The following POT1 variants were observed in gnomAD, a reference collection of about 807,000 sequenced individuals.
POT1 encodes protection of telomeres 1.
POT1 carries 47 observed loss-of-function variants against 78.5 expected under a neutral mutation model. The observed-to-expected ratio is 0.60, with a 90% CI of 0.47 to 0.76. POT1 has a LOEUF of 0.76. Ranked by LOEUF, POT1 falls within the 30% of genes least tolerant of loss-of-function variation. The pLI is 0.00. For synonymous variants in POT1, 259 were observed against 260.7 expected (o/e 0.99, Z 0.06); for missense variants, 646 against 749.9 (o/e 0.86, Z 1.62).
intron 15 of POT1, among the ~76,000 whole-genome samples, chr7:124,829,664 G>T (rs1220776684): frequency 1.3e-5 from 2 of 151,874 alleles, no homozygotes; most frequent in East Asian, 3.8e-4. Flanking sequence ...AAAAGTTGAA[G>T]AAAATGATCA....
chr7:124,862,861 T>A (rs1795630594), intron 8 of POT1, among the ~76,000 whole-genome samples: 1 of 152,164 alleles, frequency 6.6e-6, no homozygotes, highest in African/African-American at 2.4e-5. Flanking sequence ...TATTTTTTTA[T>A]CTTGCTGATT....
At chr7:124,826,599 C>T (rs927039806) in intron 17 of POT1, among the ~76,000 whole-genome samples, 7 of 152,202 alleles carry the variant, frequency 4.6e-5, no homozygotes, top group South Asian at 4.1e-4. Flanking sequence ...AGGCTGGGCA[C>T]GGTGGCTCAC....
intron 6 of POT1, among the ~76,000 whole-genome samples, chr7:124,875,010 T>C (rs1795955685): frequency 6.6e-6 from 1 of 152,092 alleles, no homozygotes; most frequent in Non-Finnish European, 1.5e-5. Context: ...AAATATATTA[T>C]ATTCTCATCC....
intron 14 of POT1, among the ~76,000 whole-genome samples, chr7:124,837,554 T>C (rs1357456050): frequency 6.6e-6 from 1 of 152,118 alleles, no homozygotes; most frequent in Admixed American, 6.6e-5. Flanking sequence ...AATAGGTCTA[T>C]GTCTATAGAG....
chr7:124,889,267 C>T (rs1796313984), intron 6 of POT1, among the ~76,000 whole-genome samples: 2 of 152,030 alleles, frequency 1.3e-5, no homozygotes, highest in Admixed American at 6.6e-5. Flanking sequence ...AAGCCAAAGC[C>T]TAAAGTAGAA....
intron 8 of POT1, among the ~76,000 whole-genome samples, chr7:124,860,980 C>G (rs1162835434): frequency 6.9e-6 from 1 of 144,114 alleles, no homozygotes; most frequent in Non-Finnish European, 1.6e-5. Context: ...TGTATATGTG[C>G]CACATTTTCT....
chr7:124,863,545 G>A lies in POT1; in HGVS notation c.351C>T (p.Arg117=). 2 of 1,613,894 alleles carry A rather than the reference G, an allele frequency of 1.2e-6. No individual in the cohort carries two copies. Among genetic ancestry groups the A allele is most frequent in the South Asian group, 1.1e-5 (1 of 91,072 alleles). Reference sequence around the variant, plus strand: ...TGAAGTTAAAATACTTGCTTGAAGTGCGAGGTATGATAGGGGCTCCCAAAG... The same window carrying A: ...TGAAGTTAAAATACTTGCTTGAAGTACGAGGTATGATAGGGGCTCCCAAAG... ...EGTLGAPIIP[R]TSSKYFNFTT... Residue 117 remains arginine (R), a synonymous_variant, in exon 8 of 19, where the codon CGC becomes CGT. Coordinates refer to ENST00000357628, the MANE Select transcript of POT1 (RefSeq NM_015450.3).
intron 3 of POT1, among the ~76,000 whole-genome samples, chr7:124,913,145 C>T (rs1298323038): frequency 1.3e-5 from 2 of 152,080 alleles, no homozygotes; most frequent in Non-Finnish European, 2.9e-5. Context: ...AAAGACCCGC[C>T]TCCATAATTC....
rs1411154397 is a variant in POT1, at chr7:124,899,263, C to T, written c.-153-889G>A. Among the ~76,000 whole-genome samples, 7 of 152,256 alleles carry T rather than the reference C, an allele frequency of 4.6e-5. No homozygotes were observed. In the East Asian group the frequency reaches 1.4e-3, roughly 29 times the overall value. On this transcript the variant is annotated intron_variant, in intron 3 of 18. Transcript: ENST00000357628. ...TTTACAGGACTTGGCACAAAGCAGGCCCTCCCAAAACAAACTGTCTATGAA... is the reference window on the plus strand; with the variant it reads ...TTTACAGGACTTGGCACAAAGCAGGTCCTCCCAAAACAAACTGTCTATGAA...
chr7:124,898,840 A>G (rs933821331), intron 3 of POT1, among the ~76,000 whole-genome samples: 1 of 152,168 alleles, frequency 6.6e-6, no homozygotes, highest in African/African-American at 2.4e-5. Flanking sequence ...ATATACTAAT[A>G]AGAACAAAGA....
chr7:124,910,931 T>C (rs1796876074), intron 3 of POT1, among the ~76,000 whole-genome samples: 2 of 152,012 alleles, frequency 1.3e-5, no homozygotes, highest in Non-Finnish European at 1.5e-5. Flanking sequence ...ACAAATATAA[T>C]GTACACACAC....
At chr7:124,898,884 A>AAG (rs1391164287) in intron 3 of POT1, among the ~76,000 whole-genome samples, 1 of 152,210 alleles carries the variant, frequency 6.6e-6, no homozygotes, top group East Asian at 1.9e-4. Flanking sequence ...TAACAGTAGT[A>AAG]AGAAGCCATT....
At chr7:124,858,044 C>T (rs2116521626) in intron 9 of POT1, among the ~76,000 whole-genome samples, 1 of 152,274 alleles carries the variant, frequency 6.6e-6, no homozygotes, top group African/African-American at 2.4e-5. Context: ...CTCCTGTGGT[C>T]TGAGTGAGTG....
Position 124,829,312 on chromosome 7 carries a change from T to C in POT1, c.1536A>G (p.Ile512Met), listed in dbSNP as rs765347563. The change falls in exon 16 of 19, where the codon ATA (isoleucine) becomes ATG (methionine). Residue 512 changes from isoleucine (I) to methionine (M), a missense_variant. This residue lies in a region of POT1 where 394 missense variants were observed against 408.4 expected (regional missense o/e 0.96). Transcript: ENST00000357628. ...GCKQCSSLRS[I>M]QNLNSLVDKT... ...TATCAACCAGGGAATTTAGATTTTGTATGGATCTCAAACTAGAACACTGTT... is the reference window on the plus strand; with the variant it reads ...TATCAACCAGGGAATTTAGATTTTGCATGGATCTCAAACTAGAACACTGTT... The C allele has an allele frequency of 1.9e-6, 3 of 1,600,624 alleles. No homozygotes were observed. Among genetic ancestry groups the C allele is most frequent in the Non-Finnish European group, 2.6e-6 (3 of 1,167,948 alleles).
At chr7:124,893,871 G>C (rs1796432313) in intron 5 of POT1, among the ~76,000 whole-genome samples, 1 of 151,540 alleles carries the variant, frequency 6.6e-6, no homozygotes, top group Non-Finnish European at 1.5e-5. Context: ...TGTCTCCTTA[G>C]GTGTTGACTT....
chr7:124,842,128 G>T (rs1324939076), intron 13 of POT1, among the ~76,000 whole-genome samples: 3 of 151,874 alleles, frequency 2.0e-5, no homozygotes, highest in African/African-American at 7.2e-5. Context: ...TCAATTTAGG[G>T]CATCCAAATG....
rs192387888 is a variant in POT1, at chr7:124,865,895, A to G, written c.256-2255T>C. 1.2e-3 allele frequency among the ~76,000 whole-genome samples: 186 copies of G among 152,210 alleles called. 1 individual carries two copies. Among genetic ancestry groups the G allele is most frequent in the African/African-American group, 4.2e-3 (175 of 41,534 alleles). On this transcript the variant is annotated intron_variant, in intron 7 of 18. Transcript: ENST00000357628. The stretch of plus-strand genomic sequence containing the variant: ...GTTTAATAAAGACAACATTTGGGCT[A>G]CCATGGAGTTGGTTTGGAATGTGTA...
chr7:124,869,916 A>G (rs980794312), intron 7 of POT1, among the ~76,000 whole-genome samples: 1 of 152,094 alleles, frequency 6.6e-6, no homozygotes, highest in Non-Finnish European at 1.5e-5. Context: ...TCTTTACACA[A>G]ACATTCTCTA....
At chr7:124,902,141 G>A (rs1796636919) in intron 3 of POT1, among the ~76,000 whole-genome samples, 1 of 152,044 alleles carries the variant, frequency 6.6e-6, no homozygotes, top group African/African-American at 2.4e-5. Flanking sequence ...ATCCAGCAAG[G>A]CAGGCCAACA....
Sources: allele counts gnomAD v4.1 joint callset (sites outside exome capture counted in the v4.1 genomes callset), GRCh38; gene constraint gnomAD v4.1.1; regional missense constraint gnomAD v4.1.1; transcripts MANE v1.5; gene names NCBI Gene and HGNC (gene_info 2026-07-23, HGNC 2026-07-21).